The following CDK8 variants were observed in gnomAD, a reference collection of about 807,000 sequenced individuals.
CDK8 encodes cyclin dependent kinase 8, also known as cyclin-dependent kinase 8.
CDK8 carries 29 observed loss-of-function variants against 71.5 expected under a neutral mutation model. The ratio of observed to expected loss-of-function variants is 0.41; its 90% CI spans 0.30 to 0.55. The LOEUF (loss-of-function observed/expected upper bound fraction) is 0.55. CDK8 is among the 20% of genes least tolerant of loss of function. The pLI, the probability that CDK8 is intolerant of heterozygous loss-of-function variation, is 0.37. For missense variants in CDK8, 288 were observed against 572.6 expected, an observed-to-expected ratio of 0.50 and a Z score of 5.07; for synonymous variants, 161 against 192.1, an observed-to-expected ratio of 0.84 and a Z score of 1.34.
chr13:26,376,473 T>TA (rs1874957790), intron 4 of CDK8, among the ~76,000 whole-genome samples: 1 of 152,224 alleles, frequency 6.6e-6, no homozygotes, highest in Non-Finnish European at 1.5e-5. Context: ...TTCCATCTAT[T>TA]AAAAAATATA....
intron 1 of CDK8, among the ~76,000 whole-genome samples, chr13:26,281,404 G>A (rs1297696269): frequency 6.6e-6 from 1 of 152,216 alleles, no homozygotes; most frequent in Non-Finnish European, 1.5e-5. Context: ...CTGCAGTGTG[G>A]CTTGCTGGAA....
intron 5 of CDK8, among the ~76,000 whole-genome samples, chr13:26,384,527 C>T (rs1007406535): frequency 7.2e-5 from 11 of 152,290 alleles, no homozygotes; most frequent in Admixed American, 5.2e-4. Context: ...AATAACTACA[C>T]TACATGTTAA....
At chr13:26,290,775 T>C (rs1873255819) in intron 1 of CDK8, among the ~76,000 whole-genome samples, 2 of 152,016 alleles carry the variant, frequency 1.3e-5, no homozygotes, top group Non-Finnish European at 2.9e-5. Flanking sequence ...GCAATCAAAA[T>C]TTAGCAATCA....
rs7320747 is a variant in CDK8 at position 26,260,214 on chromosome 13, G to A, written c.128+5445G>A. 6.7e-3 allele frequency among the ~76,000 whole-genome samples: 1,025 copies of A among 152,088 alleles called. 17 individuals carry two copies. The highest frequency in any genetic ancestry group is 0.023 in the African/African-American group (941 of 41,480). ...AGCATTTTTTGAGTTCTTGCTGTAC[G>A]TGTAGTAGTATATATATGCACTACA... is the stretch of plus-strand genomic sequence containing the variant. On this transcript the variant is annotated intron_variant, in intron 1 of 12. Transcript: ENST00000381527.
chr13:26,379,477 G>T lies in CDK8; in HGVS notation c.457-3337G>T, dbSNP rs542763718. On this transcript the variant is annotated intron_variant, in intron 4 of 12. Transcript: ENST00000381527. ...CCAGTTCAGTAAGTCTAGAATAAAA[G>T]AAACCTGAAATGAAAAGCAAGAGAG... Among the ~76,000 whole-genome samples, 4 of 152,250 alleles carry T rather than the reference G, an allele frequency of 2.6e-5. No individual in the cohort carries two copies. The South Asian group carries it at 8.3e-4, about 31-fold the overall frequency.
intron 6 of CDK8, among the ~76,000 whole-genome samples, chr13:26,385,942 T>G (rs1317114415): frequency 6.6e-6 from 1 of 152,160 alleles, no homozygotes; most frequent in Non-Finnish European, 1.5e-5. Context: ...ACTACAATTT[T>G]GAAGTCCTTT....
rs1403108842 is a variant in CDK8, at chr13:26,268,222, A to AT, written c.128+13462dup. Among the ~76,000 whole-genome samples, 12 of 145,160 alleles carry AT rather than the reference A, an allele frequency of 8.3e-5. 1 individual carries two copies. The highest frequency in any genetic ancestry group is 3.4e-3 in the Middle Eastern group (1 of 290). On this transcript the variant is annotated intron_variant, in intron 1 of 12. Transcript: ENST00000381527. ...ACATTGTAAAGTCAGAATTGTTGAG[A>AT]TTTTTTTTTGAAAGTTTTGCTCCCC...
intron 1 of CDK8, among the ~76,000 whole-genome samples, chr13:26,276,334 A>G (rs1872562912): frequency 6.6e-6 from 1 of 152,200 alleles, no homozygotes; most frequent in Admixed American, 6.5e-5. Flanking sequence ...CATGATTTAC[A>G]AGCTCTGTTT....
rs1027915740 is a variant in CDK8 at position 26,254,178 on chromosome 13, G to C, written c.-464G>C. On this transcript the variant is annotated 5_prime_UTR_variant, in exon 1 of 13. Coordinates refer to ENST00000381527, the MANE Select transcript of CDK8 (RefSeq NM_001260.3). The surrounding 1 kb of genome is among the most constrained non-coding windows in gnomAD (Gnocchi z 6.7). ...CTCTGCCCTTCTGTTTGAGTGTATG[G>C]GAGAGTGAGTGAGTGAGTGAGTGTG... is the stretch of plus-strand genomic sequence containing the variant. The C allele has an allele frequency of 4.2e-6, 1 of 239,358 alleles. No homozygotes were observed. Among genetic ancestry groups the C allele is most frequent in the African/African-American group, 2.2e-5 (1 of 45,380 alleles). 14.8% of individuals were successfully genotyped at this position (239,358 alleles called of 1,614,324 possible).
chr13:26,353,952 A>G (rs573541672), intron 4 of CDK8, 72 bp downstream of exon 4: 86 of 1,321,796 alleles, frequency 6.5e-5, no homozygotes, highest in Middle Eastern at 1.8e-4. Context: ...TCGTCTGTAG[A>G]TACCAGTGCT....
chr13:26,263,632 G>A (rs1871882507), intron 1 of CDK8, among the ~76,000 whole-genome samples: 1 of 150,850 alleles, frequency 6.6e-6, no homozygotes, highest in Admixed American at 6.6e-5. Context: ...TAGAGATGGG[G>A]TTTCACCATG....
chr13:26,316,039 G>A (rs1874496661), intron 1 of CDK8, among the ~76,000 whole-genome samples: 1 of 152,184 alleles, frequency 6.6e-6, no homozygotes, highest in South Asian at 2.1e-4. Flanking sequence ...TCTGTGCTCT[G>A]ATCACTGATT....
At chr13:26,255,412 T>C (rs1431512510) in intron 1 of CDK8, among the ~76,000 whole-genome samples, 1 of 152,186 alleles carries the variant, frequency 6.6e-6, no homozygotes, top group Non-Finnish European at 1.5e-5. Flanking sequence ...GCAAGTGACA[T>C]AGGGACTATC....
intron 3 of CDK8, among the ~76,000 whole-genome samples, chr13:26,350,923 GC>G (rs1220176711): frequency 6.6e-6 from 1 of 151,838 alleles, no homozygotes; most frequent in African/African-American, 2.4e-5. Flanking sequence ...TATAAAATTT[GC>G]TCTTTTATTA....
rs779739312 is a variant in CDK8, at chr13:26,266,283, A to G, written c.128+11514A>G. 2.2e-4 allele frequency among the ~76,000 whole-genome samples: 34 copies of G among 152,314 alleles called. 1 individual carries two copies. In the South Asian group the frequency reaches 3.3e-3, roughly 15 times the overall value. On this transcript the variant is annotated intron_variant, in intron 1 of 12. Transcript: ENST00000381527. ...GAGTCTGGCTAGAGTTAGACTATGTACTTAAAGTACTTAAAGTGGTAGCTT... is the reference window on the plus strand; with the variant it reads ...GAGTCTGGCTAGAGTTAGACTATGTGCTTAAAGTACTTAAAGTGGTAGCTT...
chr13:26,353,458 T>C (rs1216132749), intron 3 of CDK8, among the ~76,000 whole-genome samples: 3 of 152,108 alleles, frequency 2.0e-5, no homozygotes, highest in East Asian at 1.9e-4. Flanking sequence ...CTGAAAGTAA[T>C]TGATTTTTAA....
chr13:26,359,302 A>G (rs534671784), intron 4 of CDK8, among the ~76,000 whole-genome samples: 2 of 152,174 alleles, frequency 1.3e-5, no homozygotes, highest in South Asian at 4.2e-4. Flanking sequence ...GCACAGCATT[A>G]TGAATGTGCA....
chr13:26,376,216 ACATC>A lies in CDK8; in HGVS notation c.457-6597_457-6594del, dbSNP rs1342337974. Among the ~76,000 whole-genome samples, 9 of 41,236 alleles carry A rather than the reference ACATC, an allele frequency of 2.2e-4. No individual in the cohort carries two copies. In the South Asian group the frequency reaches 0.011, roughly 50 times the overall value. The allele number at this position is 41,236 out of a possible 152,430, so 27.1% of individuals were successfully genotyped here. A position where few individuals can be genotyped will look rare whatever the true frequency, so the allele number is the denominator to read the frequency against. ...TGTAAGCTAGGTTCGCTTTTTTAATACATCAAGTTAAATTAATAATAATGAAAGA... is the reference window on the plus strand; with the variant it reads ...TGTAAGCTAGGTTCGCTTTTTTAATAAAGTTAAATTAATAATAATGAAAGA... On this transcript the variant is annotated intron_variant, in intron 4 of 12. Transcript: ENST00000381527.
chr13:26,348,243 G>A (rs930165448), intron 2 of CDK8, among the ~76,000 whole-genome samples: 3 of 152,156 alleles, frequency 2.0e-5, no homozygotes, highest in African/African-American at 7.2e-5. Context: ...GGGACAGATA[G>A]TAGAGTAGAG....
Sources: allele counts gnomAD v4.1 joint callset (sites outside exome capture counted in the v4.1 genomes callset), GRCh38; gene constraint gnomAD v4.1.1; non-coding constraint Gnocchi (gnomAD v3.1); transcripts MANE v1.5; gene names NCBI Gene and HGNC (gene_info 2026-07-23, HGNC 2026-07-21).